SLC9A2: variants seen among roughly 807,000 people sequenced by gnomAD.
SLC9A2 encodes the protein sodium/hydrogen exchanger 2.
Under a neutral mutation model 71.7 loss-of-function variants are expected in SLC9A2, and 42 were observed. The observed-to-expected ratio is 0.59, with a 90% CI of 0.46 to 0.76. The LOEUF (loss-of-function observed/expected upper bound fraction) is 0.76. Ranked by LOEUF, SLC9A2 falls within the 30% of genes least tolerant of loss-of-function variation. The pLI is 0.00. For synonymous variants in SLC9A2, 396 were observed against 392.5 expected (o/e 1.01, Z -0.10); for missense variants, 829 against 1,017.4 (o/e 0.81, Z 2.52).
At chr2:102,651,065 G>A (rs946887285) in intron 1 of SLC9A2, among the ~76,000 whole-genome samples, 1 of 151,990 alleles carries the variant, frequency 6.6e-6, no homozygotes, top group Non-Finnish European at 1.5e-5. Context: ...CTGATCATCT[G>A]TCTCACATCC....
At chr2:102,675,917 C>T (rs1677338391) in intron 3 of SLC9A2, among the ~76,000 whole-genome samples, 1 of 152,196 alleles carries the variant, frequency 6.6e-6, no homozygotes, top group African/African-American at 2.4e-5. Flanking sequence ...GTTTAGGAAT[C>T]ACCTGGAAAT....
chr2:102,666,194 CT>C (rs1266703500), intron 3 of SLC9A2, among the ~76,000 whole-genome samples: 7,930 of 119,222 alleles, frequency 0.067, 108 homozygotes, highest in South Asian at 0.1. Flanking sequence ...TCCAGTTTAG[CT>C]TTTTTTTTTT....
At chr2:102,680,390 G>A (rs1384780024) in intron 3 of SLC9A2, among the ~76,000 whole-genome samples, 1 of 152,066 alleles carries the variant, frequency 6.6e-6, no homozygotes, top group African/African-American at 2.4e-5. Flanking sequence ...AGAAATGCGG[G>A]TAACCAGTGA....
At position 102,632,110 on chromosome 2, in the gene SLC9A2, A is replaced by G. The variant is rs565654987; in HGVS notation, c.289+11973A>G. ...TATATACACATATATATACATATATATGTATATATACATATATACATATAT... is the reference window on the plus strand; with the variant it reads ...TATATACACATATATATACATATATGTGTATATATACATATATACATATAT... On this transcript the variant is annotated intron_variant, in intron 1 of 11. Coordinates refer to ENST00000233969, the MANE Select transcript of SLC9A2 (RefSeq NM_003048.6). Among the ~76,000 whole-genome samples, 178 of 116,744 alleles carry G rather than the reference A, an allele frequency of 1.5e-3. 1 individual carries two copies. Among genetic ancestry groups the G allele is most frequent in the African/African-American group, 5.7e-3 (162 of 28,514 alleles). 76.6% of individuals were successfully genotyped at this position (116,744 alleles called of 152,430 possible). A position where few individuals can be genotyped will look rare whatever the true frequency, so the allele number is the denominator to read the frequency against.
chr2:102,662,550 G>T (rs1278200792), intron 2 of SLC9A2, among the ~76,000 whole-genome samples: 1 of 152,158 alleles, frequency 6.6e-6, no homozygotes, highest in Non-Finnish European at 1.5e-5. Flanking sequence ...CTGGGTATTT[G>T]CAAAGGCTGG....
intron 2 of SLC9A2, among the ~76,000 whole-genome samples, chr2:102,663,276 T>C (rs1047820396): frequency 6.6e-6 from 1 of 152,192 alleles, no homozygotes; most frequent in African/African-American, 2.4e-5. Context: ...TGGCAAATGA[T>C]CTTGAGTGTT....
intron 5 of SLC9A2, among the ~76,000 whole-genome samples, chr2:102,688,566 A>T (rs1046411988): frequency 1.3e-5 from 2 of 152,130 alleles, no homozygotes; most frequent in Non-Finnish European, 2.9e-5. Context: ...TGTCTCTACT[A>T]AAACTACAAA....
intron 1 of SLC9A2, among the ~76,000 whole-genome samples, chr2:102,639,973 AT>A (rs1357283699): frequency 6.6e-6 from 1 of 152,262 alleles, no homozygotes; most frequent in Non-Finnish European, 1.5e-5. Context: ...GGGAAATAAA[AT>A]AATTAAAGAT....
In SLC9A2 at chr2:102,665,266, G is replaced by A. The variant is rs1558712761; in HGVS notation, c.920G>A (p.Arg307Gln). 2 of 1,614,024 alleles carry A rather than the reference G, an allele frequency of 1.2e-6. No homozygotes were observed. The highest frequency in any genetic ancestry group is 1.7e-5 in the Admixed American group (1 of 60,008). Residue 307 changes from arginine (R) to glutamine (Q), a missense_variant, in exon 3 of 12, where the codon CGA becomes CAA. This residue lies in a region of SLC9A2 where 500 missense variants were observed against 726.3 expected (regional missense o/e 0.69). Coordinates refer to ENST00000233969, the MANE Select transcript of SLC9A2 (RefSeq NM_003048.6). Reference protein sequence around the residue: ...AFTTRFTHNIRVIEPLFVFLY... With the variant: ...AFTTRFTHNIQVIEPLFVFLY... ...ACTACTCGATTCACCCATAATATCCGAGTGATCGAGCCACTGTTTGTTTTC... is the reference window on the plus strand; with the variant it reads ...ACTACTCGATTCACCCATAATATCCAAGTGATCGAGCCACTGTTTGTTTTC...
At chr2:102,667,016 C>A (rs1471943580) in intron 3 of SLC9A2, among the ~76,000 whole-genome samples, 1 of 152,144 alleles carries the variant, frequency 6.6e-6, no homozygotes, top group African/African-American at 2.4e-5. Flanking sequence ...GTATCAGAAG[C>A]AGATGAGGTT....
At chr2:102,707,399 G>GAAGA (rs1678002811) in intron 11 of SLC9A2, among the ~76,000 whole-genome samples, 2 of 151,070 alleles carry the variant, frequency 1.3e-5, no homozygotes, top group Admixed American at 6.6e-5. Context: ...ATAATAGGGG[G>GAAGA]AAGACAAGGC....
chr2:102,686,211 A>G (rs1163366794), intron 5 of SLC9A2, among the ~76,000 whole-genome samples: 1 of 152,200 alleles, frequency 6.6e-6, no homozygotes, highest in Non-Finnish European at 1.5e-5. Flanking sequence ...ATGGTTTATT[A>G]TCCCTATTTT....
intron 7 of SLC9A2, among the ~76,000 whole-genome samples, chr2:102,695,814 A>ATATATT (rs1246009785): frequency 8.8e-6 from 1 of 113,062 alleles, no homozygotes; most frequent in African/African-American, 3.5e-5. Context: ...ATATATATAT[A>ATATATT]ATATATATAT....
intron 1 of SLC9A2, among the ~76,000 whole-genome samples, chr2:102,623,586 C>T (rs1676186079): frequency 6.6e-6 from 1 of 152,088 alleles, no homozygotes; most frequent in Non-Finnish European, 1.5e-5. Context: ...AACTTTTGTT[C>T]TGAAAAAGCT....
chr2:102,657,420 A>T (rs900617272), intron 1 of SLC9A2, 144 bp from the exon 2 acceptor site: 1 of 614,040 alleles, frequency 1.6e-6, no homozygotes, highest in African/African-American at 1.8e-5. Flanking sequence ...TTGCACTGTA[A>T]TCTGGGAAGC....
chr2:102,673,083 G>A (rs7595838), intron 3 of SLC9A2, among the ~76,000 whole-genome samples: 52,501 of 151,720 alleles, frequency 0.35, 9,405 homozygotes, highest in East Asian at 0.52. Flanking sequence ...TTCCATTCTT[G>A]AAGATTATCA....
intron 1 of SLC9A2, among the ~76,000 whole-genome samples, chr2:102,634,817 A>G (rs1207570442): frequency 6.6e-6 from 1 of 152,122 alleles, no homozygotes; most frequent in African/African-American, 2.4e-5. Flanking sequence ...ATGAGCAGCC[A>G]GGCATAATTG....
intron 11 of SLC9A2, among the ~76,000 whole-genome samples, chr2:102,706,409 ACGC>A (rs1677977501): frequency 1.3e-5 from 2 of 151,842 alleles, no homozygotes; most frequent in African/African-American, 4.8e-5. Flanking sequence ...GGAACATCAC[ACGC>A]CAGGGCCTGT....
chr2:102,666,950 T>A (rs17027659), intron 3 of SLC9A2, among the ~76,000 whole-genome samples: 6,825 of 152,280 alleles, frequency 0.045, 261 homozygotes, highest in African/African-American at 0.1. Flanking sequence ...CCGATCTGAT[T>A]AAGATGATCA....
Sources: gnomAD v4.1 joint callset for allele counts (sites outside exome capture counted in the v4.1 genomes callset) on GRCh38, gnomAD v4.1.1 for gene constraint, gnomAD v4.1.1 regional missense constraint, MANE v1.5 for transcripts, NCBI Gene and HGNC (gene_info 2026-07-23, HGNC 2026-07-21) for gene names.